CHRNA7: variants seen among roughly 807,000 people sequenced by gnomAD.
The protein encoded by CHRNA7 is neuronal acetylcholine receptor subunit alpha-7.
CHRNA7 carries 17 observed loss-of-function variants against 48.0 expected under a neutral mutation model. That is an observed-to-expected ratio of 0.35 (90% CI 0.24 to 0.53). The LOEUF (loss-of-function observed/expected upper bound fraction) is 0.53, where lower values mean the gene tolerates loss of function less well. Among genes scored for constraint, CHRNA7 ranks in the 20% least tolerant of loss-of-function variants. CHRNA7 has a pLI of 0.92. For missense variants in CHRNA7, 155 were observed against 577.7 expected, an observed-to-expected ratio of 0.27 and a Z score of 7.50; for synonymous variants, 75 against 242.3, an observed-to-expected ratio of 0.31 and a Z score of 6.41.
At chr15:32,041,189 G>T (rs532033827) in intron 2 of CHRNA7, among the ~76,000 whole-genome samples, 1 of 152,210 alleles carries the variant, frequency 6.6e-6, no homozygotes, top group African/African-American at 2.4e-5. Context: ...TGGATGTGTG[G>T]TTTGGTGTTT....
At chr15:32,059,250 C>T (rs1380019699) in intron 2 of CHRNA7, among the ~76,000 whole-genome samples, 6 of 152,174 alleles carry the variant, frequency 3.9e-5, no homozygotes, top group East Asian at 1.9e-4. Flanking sequence ...GTGATGTGCC[C>T]GCCTTGGCCT....
chr15:32,095,029 T>G (rs1009177221), intron 2 of CHRNA7, among the ~76,000 whole-genome samples: 2 of 152,244 alleles, frequency 1.3e-5, no homozygotes, highest in African/African-American at 4.8e-5. Context: ...TACCCTTGTT[T>G]TTACAAATAA....
intron 2 of CHRNA7, among the ~76,000 whole-genome samples, chr15:32,041,463 C>T (rs550129911): frequency 5.3e-5 from 8 of 152,326 alleles, no homozygotes; most frequent in Admixed American, 3.3e-4. Context: ...AAGAATGTCA[C>T]GCTGCCGCTG....
In CHRNA7 at chr15:32,064,501, GTA is replaced by G. The variant is rs1555375848; in HGVS notation, c.195+33466_195+33467del. ...GTGTGTAGTGTGTGTGTATGTGTGT[GTA>G]TGTGTGTGTGTGGTGTGTGCAGGCA... On this transcript the variant is annotated intron_variant, in intron 2 of 9. Coordinates refer to ENST00000306901, the MANE Select transcript of CHRNA7 (RefSeq NM_000746.6). Among the ~76,000 whole-genome samples, 25 of 151,396 alleles carry G rather than the reference GTA, an allele frequency of 1.7e-4. No homozygotes were observed. In the East Asian group the frequency reaches 3.9e-3, roughly 23 times the overall value.
intron 2 of CHRNA7, among the ~76,000 whole-genome samples, chr15:32,056,550 T>C (rs2049792278): frequency 6.6e-6 from 1 of 152,208 alleles, no homozygotes; most frequent in Non-Finnish European, 1.5e-5. Flanking sequence ...GTGTATGATA[T>C]GAAAATAATG....
intron 2 of CHRNA7, among the ~76,000 whole-genome samples, chr15:32,097,654 A>G (rs927206300): frequency 2.6e-5 from 4 of 152,248 alleles, no homozygotes; most frequent in African/African-American, 7.2e-5. Flanking sequence ...AATTAAACAT[A>G]GAGTCTGTGC....
intron 2 of CHRNA7, among the ~76,000 whole-genome samples, chr15:32,033,368 C>T (rs1595367392): frequency 6.6e-6 from 1 of 152,190 alleles, no homozygotes; most frequent in African/African-American, 2.4e-5. Flanking sequence ...ACTCAGAGGT[C>T]AAGAAGTCCA....
intron 4 of CHRNA7, among the ~76,000 whole-genome samples, chr15:32,117,172 A>G (rs551767222): frequency 5.3e-5 from 8 of 152,294 alleles, no homozygotes; most frequent in South Asian, 2.1e-4. Flanking sequence ...TGGAGTGAGC[A>G]TTGAAAAGCA....
At chr15:32,100,431 G>C (rs1308091084) in intron 2 of CHRNA7, 1 of 152,618 alleles carries the variant, frequency 6.6e-6, no homozygotes, top group Non-Finnish European at 1.5e-5. Context: ...TCCTTTCACT[G>C]GGCTTGGTCA....
intron 2 of CHRNA7, among the ~76,000 whole-genome samples, chr15:32,043,847 T>G (rs6494169): frequency 4.9e-4 from 75 of 152,190 alleles, no homozygotes; most frequent in African/African-American, 1.4e-3. Context: ...CTTCTCTTTC[T>G]TGAGAGTCTG....
At chr15:32,111,924 A>G in intron 4 of CHRNA7, 25 bp downstream of exon 4, 1 of 1,339,544 alleles carries the variant, frequency 7.5e-7, no homozygotes, top group Non-Finnish European at 1.1e-6. Flanking sequence ...CAAAGGAAAA[A>G]AATGATTTTA....
chr15:32,082,227 A>G (rs2050227695), intron 2 of CHRNA7, among the ~76,000 whole-genome samples: 1 of 152,124 alleles, frequency 6.6e-6, no homozygotes. Context: ...TCATTTCTTT[A>G]ATCTATAGAT....
intron 2 of CHRNA7, among the ~76,000 whole-genome samples, chr15:32,067,752 CAGA>C (rs1402602320): frequency 5.9e-5 from 9 of 152,238 alleles, no homozygotes; most frequent in Non-Finnish European, 1.0e-4. Context: ...AACAACAACA[CAGA>C]GGAGGAGAAA....
chr15:32,122,941 C>T (rs914300811), intron 4 of CHRNA7, among the ~76,000 whole-genome samples: 1 of 150,204 alleles, frequency 6.7e-6, no homozygotes, highest in African/African-American at 2.4e-5. Flanking sequence ...TAGAGGACTA[C>T]TTTCAAATAT....
chr15:32,112,446 C>G (rs1297802770), intron 4 of CHRNA7: 1 of 431,010 alleles, frequency 2.3e-6, no homozygotes, highest in Non-Finnish European at 4.7e-6. Flanking sequence ...AGTCTTTCTC[C>G]TGAGGTCAGG....
chr15:32,052,877 C>G (rs2049716760), intron 2 of CHRNA7, among the ~76,000 whole-genome samples: 5 of 152,116 alleles, frequency 3.3e-5, no homozygotes, highest in Admixed American at 3.3e-4. Flanking sequence ...GAAGAGCAGA[C>G]TTGTAATTTT....
intron 2 of CHRNA7, among the ~76,000 whole-genome samples, chr15:32,040,281 T>G (rs2049424065): frequency 6.6e-6 from 1 of 152,144 alleles, no homozygotes; most frequent in African/African-American, 2.4e-5. Flanking sequence ...ATCATATTTG[T>G]TACTGATTTT....
chr15:32,120,057 CAG>C (rs1299687233), intron 4 of CHRNA7, among the ~76,000 whole-genome samples: 8 of 152,184 alleles, frequency 5.3e-5, no homozygotes, highest in African/African-American at 1.9e-4. Flanking sequence ...CCAGTGCCAG[CAG>C]ATGATAGCCA....
chr15:32,102,982 A>G (rs778328816), intron 3 of CHRNA7: 12 of 152,230 alleles, frequency 7.9e-5, no homozygotes, highest in Non-Finnish European at 1.8e-4. Flanking sequence ...CCAATTTGTA[A>G]GGTAATTCAC....
Sources: gnomAD v4.1 joint callset for allele counts (sites outside exome capture counted in the v4.1 genomes callset) on GRCh38, gnomAD v4.1.1 for gene constraint, MANE v1.5 for transcripts, NCBI Gene and HGNC (gene_info 2026-07-23, HGNC 2026-07-21) for gene names.